Variants in GPR35 observed in about 807,000 individuals in gnomAD.
The protein encoded by GPR35 is KYNA receptor.
For synonymous variants in GPR35, 207 were observed against 198.4 expected, an observed-to-expected ratio of 1.04 and a Z score of -0.36; for missense variants, 372 against 422.5, an observed-to-expected ratio of 0.88 and a Z score of 1.05.
chr2:240,624,011 G>GT (rs1336661562), upstream of GPR35, among the ~76,000 whole-genome samples: 2 of 151,138 alleles, frequency 1.3e-5, no homozygotes, highest in Non-Finnish European at 2.9e-5. Context: ...CCTGGTGGTG[G>GT]GGGGGGTGGG....
In GPR35 at chr2:240,630,168, C is replaced by T. The variant is rs35155396; in HGVS notation, c.216C>T (p.Thr72=). The change falls in exon 2 of 2, where the codon ACC becomes ACT. Residue 72 remains threonine, a synonymous_variant. Coordinates refer to ENST00000407714, the MANE Select transcript of GPR35 (RefSeq NM_005301.5). The part of the protein sequence containing the change: ...LAVADLCLLC[T]LPFVLHSLRD... ...TGGCCGACCTCTGCCTGCTGTGCACCTTGCCCTTCGTGCTGCACTCCCTGC... is the reference window on the plus strand; with the variant it reads ...TGGCCGACCTCTGCCTGCTGTGCACTTTGCCCTTCGTGCTGCACTCCCTGC... 0.025 allele frequency: 40,129 copies of T among 1,594,266 alleles called. 612 individuals are homozygous for T. The highest frequency in any genetic ancestry group is 0.031 in the Non-Finnish European group (35,828 of 1,173,374).
intron 1 of GPR35, among the ~76,000 whole-genome samples, chr2:240,626,969 T>C (rs2043385458): frequency 6.6e-6 from 1 of 152,186 alleles, no homozygotes; most frequent in Non-Finnish European, 1.5e-5. Context: ...TTTCTGCTTT[T>C]GTGTGCAGAA....
rs1384490760 is a variant in GPR35, at chr2:240,630,416, G to T, written c.464G>T (p.Gly155Val). 1.9e-6 allele frequency: 3 copies of T among 1,612,466 alleles called. No homozygotes were observed. The highest frequency in any genetic ancestry group is 2.5e-6 in the Non-Finnish European group (3 of 1,179,936). ...IGSLVARWLLGIQEGGFCFRS... is the reference protein window; with the variant it reads ...IGSLVARWLLVIQEGGFCFRS... ...TCCCTGGTGGCTCGCTGGCTCCTGG[G>T]GATTCAGGAGGGCGGCTTCTGCTTC... The change falls in exon 2 of 2, where the codon GGG (glycine) becomes GTG (valine). Residue 155 changes from glycine (G) to valine (V), a missense_variant. Gly to Val is a moderately radical substitution (Grantham distance 109). Transcript: ENST00000407714.
rs537971569 is a variant in GPR35, at chr2:240,632,894, A to G, written c.*2012A>G. ...TTGAATTGTAATCCCTATAATAACC[A>G]TAGTCCCCATGTGTCAAGGGAGAGA... On this transcript the variant is annotated 3_prime_UTR_variant, in exon 2 of 2. Coordinates refer to ENST00000407714, the MANE Select transcript of GPR35 (RefSeq NM_005301.5). 6.6e-6 allele frequency among the ~76,000 whole-genome samples: 1 copy of G among 152,360 alleles called. No individual in the cohort carries two copies. Among genetic ancestry groups the G allele is most frequent in the South Asian group, 2.1e-4 (1 of 4,824 alleles).
chr2:240,608,914 T>C (rs1195062628), intron 2 of GPR35, among the ~76,000 whole-genome samples: 1 of 152,256 alleles, frequency 6.6e-6, no homozygotes, highest in South Asian at 2.1e-4. Flanking sequence ...TTAATAGATA[T>C]AAGCTTGTTA....
At chr2:240,620,474 G>A (rs979992047) in intron 5 of GPR35, among the ~76,000 whole-genome samples, 36 of 152,082 alleles carry the variant, frequency 2.4e-4, no homozygotes, top group Admixed American at 2.2e-3. Context: ...GCGTGGGCAC[G>A]GGGGAGGCAG....
intron 2 of GPR35, among the ~76,000 whole-genome samples, chr2:240,615,544 C>T (rs1014119983): frequency 1.3e-5 from 2 of 152,232 alleles, no homozygotes; most frequent in African/African-American, 4.8e-5. Context: ...TTGTGCCCAT[C>T]ACCCCACCTT....
At chr2:240,628,907 G>A (rs1219177449) in intron 1 of GPR35, 1 of 152,188 alleles carries the variant, frequency 6.6e-6, no homozygotes, top group Non-Finnish European at 1.5e-5. Context: ...CTGGACTCTG[G>A]GCGCTCACCA....
intron 1 of GPR35, among the ~76,000 whole-genome samples, chr2:240,625,974 T>G (rs1019249265): frequency 4.6e-5 from 2 of 43,102 alleles, no homozygotes; most frequent in Non-Finnish European, 4.9e-5. Context: ...GAGGCTGTGA[T>G]GGGTTCTCAG....
upstream of GPR35, among the ~76,000 whole-genome samples, chr2:240,622,942 C>A (rs1252487585): frequency 6.6e-6 from 1 of 152,246 alleles, no homozygotes; most frequent in Admixed American, 6.5e-5. Context: ...AGCTGCCCAG[C>A]AGGGAGAGAA....
upstream of GPR35, chr2:240,625,223 G>A: frequency 9.2e-6 from 9 of 978,228 alleles, no homozygotes; most frequent in Non-Finnish European, 1.1e-5. Context: ...TGGTTTTGCT[G>A]TCTGTCTCTC....
intron 2 of GPR35, among the ~76,000 whole-genome samples, chr2:240,611,469 A>G (rs2043182148): frequency 6.6e-6 from 1 of 152,086 alleles, no homozygotes; most frequent in Non-Finnish European, 1.5e-5. Context: ...CTAGACTATT[A>G]TACTTCCTTG....
At chr2:240,629,848 ACCT>A (rs768722211) in intron 1 of GPR35, 98 bp from the exon 2 acceptor site, 240 of 1,018,666 alleles carry the variant, frequency 2.4e-4, no homozygotes, top group Non-Finnish European at 3.3e-4. Flanking sequence ...GTCGGGGCTC[ACCT>A]CCTCCCACAT....
intron 2 of GPR35, among the ~76,000 whole-genome samples, chr2:240,610,870 G>A (rs1213666872): frequency 2.0e-5 from 3 of 151,340 alleles, no homozygotes; most frequent in Non-Finnish European, 2.9e-5. Context: ...TCCTGACCTC[G>A]TGATCTGCCT....
chr2:240,621,400 A>T (rs1350399818), upstream of GPR35, among the ~76,000 whole-genome samples: 1 of 152,042 alleles, frequency 6.6e-6, no homozygotes, highest in East Asian at 1.9e-4. Context: ...GACTACAGGC[A>T]CGCGCCACCA....
At chr2:240,608,204 T>C (rs2043155259) in intron 2 of GPR35, among the ~76,000 whole-genome samples, 1 of 152,246 alleles carries the variant, frequency 6.6e-6, no homozygotes, top group African/African-American at 2.4e-5. Flanking sequence ...ATTTTCTACA[T>C]GCATGATTAT....
intron 2 of GPR35, among the ~76,000 whole-genome samples, chr2:240,607,844 T>TTCCTCCTCCTCCTCC (rs935675029): frequency 6.6e-6 from 1 of 151,594 alleles, no homozygotes; most frequent in Non-Finnish European, 1.5e-5. Flanking sequence ...CCTCCTTCTC[T>TTCCTCCTCCTCCTCC]TCCTCCTCCT....
In GPR35 at chr2:240,629,657, G is replaced by A. The variant is rs2043417181; in HGVS notation, c.-4-292G>A. Reference sequence around the variant, plus strand: ...GGTAGGGCTTGCTGGGCTGGGGACTGGAGGGGAACGTGGAGCTCCTTCTGC... The same window carrying A: ...GGTAGGGCTTGCTGGGCTGGGGACTAGAGGGGAACGTGGAGCTCCTTCTGC... On this transcript the variant is annotated intron_variant, in intron 1 of 1. Transcript: ENST00000407714. 1.7e-5 allele frequency: 6 copies of A among 346,776 alleles called. No homozygotes were observed. The South Asian group carries it at 2.9e-4, about 17-fold the overall frequency. The allele number at this position is 346,776 out of a possible 1,614,324, so 21.5% of individuals were successfully genotyped here.
chr2:240,630,209 C>T lies in GPR35; in HGVS notation c.257C>T (p.Thr86Met), dbSNP rs527604027. 20 of 1,574,148 alleles carry T rather than the reference C, an allele frequency of 1.3e-5. No homozygotes were observed. The highest frequency in any genetic ancestry group is 1.7e-5 in the Admixed American group (1 of 59,086). ...VLHSLRDTSD[T>M]PLCQLSQGIY... Reference sequence around the variant, plus strand: ...CACTCCCTGCGAGACACCTCAGACACGCCGCTGTGCCAGCTCTCCCAGGGC... The same window carrying T: ...CACTCCCTGCGAGACACCTCAGACATGCCGCTGTGCCAGCTCTCCCAGGGC... The change falls in exon 2 of 2, where the codon ACG becomes ATG. Residue 86 changes from threonine to methionine, a missense_variant. Coordinates refer to ENST00000407714, the MANE Select transcript of GPR35 (RefSeq NM_005301.5).
Sources: allele counts gnomAD v4.1 joint callset (sites outside exome capture counted in the v4.1 genomes callset), GRCh38; gene constraint gnomAD v4.1.1; transcripts MANE v1.5; gene names NCBI Gene and HGNC (gene_info 2026-07-23, HGNC 2026-07-21).